The following TRPM3 variants were observed in gnomAD, a reference collection of about 807,000 sequenced individuals.
TRPM3 encodes the protein transient receptor potential cation channel subfamily M member 3, also known as long transient receptor potential channel 3.
A neutral mutation model predicts 181.2 loss-of-function variants in TRPM3; 77 were observed. The ratio of observed to expected loss-of-function variants is 0.42; its 90% CI spans 0.35 to 0.51. The LOEUF (loss-of-function observed/expected upper bound fraction) is 0.51, where lower values mean the gene tolerates loss of function less well. TRPM3 is among the 20% of genes least tolerant of loss of function. The pLI, the probability that TRPM3 is intolerant of heterozygous loss-of-function variation, is 0.01. For synonymous variants in TRPM3, 745 were observed against 796.4 expected, an observed-to-expected ratio of 0.94 and a Z score of 1.09; for missense variants, 1,759 against 2,196.7, an observed-to-expected ratio of 0.80 and a Z score of 3.98.
At chr9:70,972,533 T>C (rs978080616) in intron 1 of TRPM3, among the ~76,000 whole-genome samples, 5 of 152,168 alleles carry the variant, frequency 3.3e-5, no homozygotes, top group South Asian at 2.1e-4. Context: ...AATGAAAGTG[T>C]TCTGGAATTC....
At chr9:70,971,590 T>C (rs2097247572) in intron 1 of TRPM3, among the ~76,000 whole-genome samples, 1 of 152,154 alleles carries the variant, frequency 6.6e-6, no homozygotes, top group African/African-American at 2.4e-5. Flanking sequence ...CCTAAAAATA[T>C]GAGTATTAGT....
At chr9:70,650,712 T>G (rs774104893) in intron 9 of TRPM3, among the ~76,000 whole-genome samples, 6 of 152,202 alleles carry the variant, frequency 3.9e-5, no homozygotes, top group Non-Finnish European at 8.8e-5. Context: ...TTCATTTTTG[T>G]TCGCATTTCT....
In TRPM3 at chr9:70,827,838, G is replaced by T. The variant is rs759865008; in HGVS notation, c.973+9C>A. ...ACGAGCCATGCCAGTGGGAACAACC[G>T]CTACTTACTTGTGTTTATCTTCTGG... On this transcript the variant is annotated intron_variant, in intron 6 of 25. Coordinates refer to ENST00000677713, the MANE Select transcript of TRPM3 (RefSeq NM_001366145.2). 1 of 1,612,820 alleles carries T rather than the reference G, an allele frequency of 6.2e-7. No homozygotes were observed. The highest frequency in any genetic ancestry group is 1.7e-5 in the Admixed American group (1 of 59,984).
chr9:71,090,158 G>C (rs1332076274), intron 1 of TRPM3, among the ~76,000 whole-genome samples: 3 of 152,058 alleles, frequency 2.0e-5, no homozygotes, highest in Non-Finnish European at 4.4e-5. Context: ...GAGTTACTGG[G>C]AAGAGATAAA....
At position 70,568,318 on chromosome 9, in the gene TRPM3, T is replaced by G. The variant is rs2051198604; in HGVS notation, c.3224-15008A>C. 2.0e-5 allele frequency among the ~76,000 whole-genome samples: 3 copies of G among 152,204 alleles called. No homozygotes were observed. In the South Asian group the frequency reaches 6.2e-4, roughly 31 times the overall value. ...ATTTATAATTATCTAGAAACAAATC[T>G]GGTTACAACCATCCTAGAGATGCAC... On this transcript the variant is annotated intron_variant, in intron 22 of 25. Transcript: ENST00000677713.
rs868736105 is a variant in TRPM3 at position 71,401,199 on chromosome 9, A to G, written c.183+45454T>C. 8.4e-3 allele frequency among the ~76,000 whole-genome samples: 1,246 copies of G among 148,310 alleles called. 16 individuals are homozygous for G. The highest frequency in any genetic ancestry group is 0.027 in the African/African-American group (1,079 of 40,602). ...AGGGTCAAAGTGAGACACCATCGCA[A>G]AAAAAAAAAAAAAAAAAGAATCTAT... is the stretch of plus-strand genomic sequence containing the variant. On this transcript the variant is annotated intron_variant, in intron 1 of 24. Transcript: ENST00000357533.
intron 1 of TRPM3, among the ~76,000 whole-genome samples, chr9:71,253,240 T>A (rs924338894): frequency 1.3e-5 from 2 of 152,058 alleles, no homozygotes; most frequent in African/African-American, 2.4e-5. Flanking sequence ...AGAAAAAAAA[T>A]TCATCACTAG....
chr9:70,549,443 A>C, intron 25 of TRPM3, 99 bp downstream of exon 25: 1 of 1,423,522 alleles, frequency 7.0e-7, no homozygotes. Context: ...AAAAACAAAC[A>C]CAAAAGATCT....
intron 22 of TRPM3, among the ~76,000 whole-genome samples, chr9:70,585,900 C>T (rs754049902): frequency 1.8e-4 from 27 of 152,122 alleles, no homozygotes; most frequent in Non-Finnish European, 3.2e-4. Flanking sequence ...ATCTGTACCC[C>T]GTCTGTCTCC....
intron 1 of TRPM3, among the ~76,000 whole-genome samples, chr9:71,146,255 A>G (rs1489280897): frequency 2.0e-5 from 3 of 152,160 alleles, no homozygotes; most frequent in Non-Finnish European, 4.4e-5. Context: ...AGAATGATGG[A>G]GCTTTCGAAT....
intron 1 of TRPM3, among the ~76,000 whole-genome samples, chr9:71,266,606 TATTTTA>T (rs937527563): frequency 1.3e-5 from 2 of 152,198 alleles, no homozygotes; most frequent in Admixed American, 1.3e-4. Flanking sequence ...ATCTTATTTT[TATTTTA>T]TTGTGGTAAG....
chr9:70,806,217 C>T (rs1300519102), intron 6 of TRPM3, among the ~76,000 whole-genome samples: 1 of 152,088 alleles, frequency 6.6e-6, no homozygotes, highest in South Asian at 2.1e-4. Context: ...AACCTGGCCT[C>T]CAACACAGAA....
intron 1 of TRPM3, among the ~76,000 whole-genome samples, chr9:71,337,091 A>G (rs748680386): frequency 1.5e-4 from 23 of 152,206 alleles, no homozygotes; most frequent in Non-Finnish European, 3.1e-4. Context: ...ACAAAAGGCA[A>G]AATTGAAAAA....
Position 70,629,215 on chromosome 9 carries a change from C to CGGGGGG in TRPM3, c.1633-3704_1633-3699dup, listed in dbSNP as rs550040624. ...GGATAAATGATTCTGTGACCAGTGC[C>CGGGGGG]GGGGGGGGGGGGGGCCTGCGTTCTG... On this transcript the variant is annotated intron_variant, in intron 12 of 25. Coordinates refer to ENST00000677713, the MANE Select transcript of TRPM3 (RefSeq NM_001366145.2). 2.5e-3 allele frequency among the ~76,000 whole-genome samples: 25 copies of CGGGGGG among 10,170 alleles called. 7 individuals are homozygous for CGGGGGG. The highest frequency in any genetic ancestry group is 5.7e-3 in the South Asian group (1 of 174). The allele number at this position is 10,170 out of a possible 152,430, so 6.7% of individuals were successfully genotyped here.
intron 1 of TRPM3, among the ~76,000 whole-genome samples, chr9:70,944,206 A>G (rs2096911859): frequency 6.6e-6 from 1 of 152,216 alleles, no homozygotes; most frequent in South Asian, 2.1e-4. Context: ...CTGGAGGTGG[A>G]TGAATGAAAG....
chr9:70,618,777 A>T, intron 17 of TRPM3, 90 bp downstream of exon 17: 2 of 1,056,222 alleles, frequency 1.9e-6, no homozygotes, highest in South Asian at 1.3e-5. Flanking sequence ...AGATAAGAGG[A>T]TGCCCAATTC....
chr9:70,574,918 G>T (rs2053499186), intron 22 of TRPM3, among the ~76,000 whole-genome samples: 1 of 150,928 alleles, frequency 6.6e-6, no homozygotes, highest in South Asian at 2.1e-4. Context: ...CAGTGAGCTT[G>T]TTTTTTTCTT....
At chr9:71,134,007 GTGTGT>G (rs2074574840) in intron 1 of TRPM3, among the ~76,000 whole-genome samples, 4 of 133,028 alleles carry the variant, frequency 3.0e-5, no homozygotes, top group Non-Finnish European at 4.9e-5. Flanking sequence ...GTGTGTGTGT[GTGTGT>G]GTGCGCGTGC....
chr9:71,108,632 C>T (rs1468937321), intron 1 of TRPM3, among the ~76,000 whole-genome samples: 1 of 152,104 alleles, frequency 6.6e-6, no homozygotes, highest in Non-Finnish European at 1.5e-5. Context: ...TAGCAGAATA[C>T]AGAATAATAG....
Sources: allele counts gnomAD v4.1 joint callset (sites outside exome capture counted in the v4.1 genomes callset), GRCh38; gene constraint gnomAD v4.1.1; transcripts MANE v1.5; gene names NCBI Gene and HGNC (gene_info 2026-07-23, HGNC 2026-07-21).